CHFR: variants seen among roughly 807,000 people sequenced by gnomAD.
CHFR encodes E3 ubiquitin-protein ligase CHFR.
Under a neutral mutation model 87.6 loss-of-function variants are expected in CHFR, and 57 were observed. The observed-to-expected ratio is 0.65, with a 90% CI of 0.53 to 0.81. The LOEUF is 0.81. Ranked by LOEUF, CHFR falls within the 30% of genes least tolerant of loss-of-function variation. The pLI is 0.00. For missense variants in CHFR, 797 were observed against 865.8 expected, an observed-to-expected ratio of 0.92 and a Z score of 1.00; for synonymous variants, 381 against 359.2, an observed-to-expected ratio of 1.06 and a Z score of -0.69.
chr12:132,858,521 T>TC (rs368007757), intron 8 of CHFR, among the ~76,000 whole-genome samples: 53 of 151,730 alleles, frequency 3.5e-4, no homozygotes, highest in African/African-American at 1.3e-3. Flanking sequence ...AGTCAGGAGT[T>TC]CAAGACTAGC....
At chr12:132,870,336 A>G (rs1178943100) in intron 5 of CHFR, among the ~76,000 whole-genome samples, 2 of 137,100 alleles carry the variant, frequency 1.5e-5, no homozygotes, top group Non-Finnish European at 3.1e-5. Context: ...TGGGCGACAA[A>G]GCGCGACTCC....
At chr12:132,886,406 A>T (rs1357259897) in intron 2 of CHFR, among the ~76,000 whole-genome samples, 1 of 152,202 alleles carries the variant, frequency 6.6e-6, no homozygotes. Context: ...TCCAAACAGC[A>T]AATATTTCCC....
chr12:132,869,275 T>A (rs1021417384), intron 6 of CHFR, among the ~76,000 whole-genome samples: 2 of 152,026 alleles, frequency 1.3e-5, no homozygotes, highest in Non-Finnish European at 2.9e-5. Flanking sequence ...TCACTGCTGG[T>A]GGGCACCGGT....
At chr12:132,880,662 AAAG>A (rs1183285875) in intron 2 of CHFR, among the ~76,000 whole-genome samples, 25 of 142,826 alleles carry the variant, frequency 1.8e-4, no homozygotes, top group East Asian at 1.5e-3. Context: ...CGACTCAAAA[AAAG>A]AAAAAAAAAG....
At chr12:132,881,123 C>T (rs1951759245) in intron 2 of CHFR, among the ~76,000 whole-genome samples, 1 of 151,926 alleles carries the variant, frequency 6.6e-6, no homozygotes, top group African/African-American at 2.4e-5. Flanking sequence ...AAAAAATTAG[C>T]CGGGCATGGT....
At chr12:132,864,093 A>G (rs1426209039) in intron 6 of CHFR, among the ~76,000 whole-genome samples, 2 of 151,984 alleles carry the variant, frequency 1.3e-5, no homozygotes, top group East Asian at 1.9e-4. Context: ...TGAATAACCT[A>G]TATCTTAATA....
At chr12:132,878,749 G>A (rs1261314505) in intron 2 of CHFR, among the ~76,000 whole-genome samples, 1 of 148,820 alleles carries the variant, frequency 6.7e-6, no homozygotes, top group East Asian at 2.0e-4. Flanking sequence ...GAACCCGGGA[G>A]GAGGAGCTTG....
intron 6 of CHFR, among the ~76,000 whole-genome samples, chr12:132,863,365 G>A (rs987604495): frequency 6.6e-6 from 1 of 151,998 alleles, no homozygotes; most frequent in African/African-American, 2.4e-5. Context: ...AAATTGGCCG[G>A]GTGTGGTGGC....
At chr12:132,853,257 C>T (rs1448870051) in intron 11 of CHFR, among the ~76,000 whole-genome samples, 174 bp downstream of exon 11, 4 of 152,238 alleles carry the variant, frequency 2.6e-5, no homozygotes, top group Non-Finnish European at 1.5e-5. Flanking sequence ...AACCCAAAAT[C>T]AGTCACGAAA....
intron 10 of CHFR, among the ~76,000 whole-genome samples, chr12:132,856,142 G>C (rs1457697284): frequency 5.9e-5 from 9 of 152,232 alleles, no homozygotes; most frequent in Admixed American, 5.9e-4. Flanking sequence ...CACAGCCAGA[G>C]ATGCCACACC....
rs1593452659 is a variant in CHFR at position 132,848,505 on chromosome 12, T to C, written c.1576+136A>G. ...CACACCTCTGCAGTCCAGCCAGGAA[T>C]AGGTATCATTTGATGACCAACAGTG... On this transcript the variant is annotated intron_variant, in intron 13 of 17. Transcript: ENST00000450056. 1.5e-5 allele frequency: 11 copies of C among 721,010 alleles called. No individual in the cohort carries two copies. In the East Asian group the frequency reaches 1.6e-4, roughly 11 times the overall value. 44.7% of individuals were successfully genotyped at this position (721,010 alleles called of 1,614,324 possible).
chr12:132,858,945 TA>T, intron 8 of CHFR, 122 bp downstream of exon 8: 1 of 923,198 alleles, frequency 1.1e-6, no homozygotes, highest in Non-Finnish European at 1.6e-6. Flanking sequence ...GGTGACAGAG[TA>T]ACCTCAGCAG....
chr12:132,866,593 A>C (rs1278808118), intron 6 of CHFR: 3 of 83,580 alleles, frequency 3.6e-5, no homozygotes, highest in Non-Finnish European at 8.9e-5. Context: ...AACACACCAG[A>C]AAGTTACAAC....
At chr12:132,848,478 G>T in intron 13 of CHFR, 163 bp downstream of exon 13, 1 of 694,166 alleles carries the variant, frequency 1.4e-6, no homozygotes, top group Non-Finnish European at 2.5e-6. Flanking sequence ...ACACGAATTT[G>T]ACACACCTCT....
rs1188318333 is a variant in CHFR at position 132,837,091 on chromosome 12, T to G, written c.*4463A>C. ...TACCTGAGGGGCTGTTTGTGAGAATTAGCTGGTTCGGTGGAGAAGCAGAGG... is the reference window on the plus strand; with the variant it reads ...TACCTGAGGGGCTGTTTGTGAGAATGAGCTGGTTCGGTGGAGAAGCAGAGG... On this transcript the variant is annotated 3_prime_UTR_variant, in exon 18 of 18. Coordinates refer to ENST00000450056, the MANE Select transcript of CHFR (RefSeq NM_001161346.2). 6 of 320,382 alleles carry G rather than the reference T, an allele frequency of 1.9e-5. No individual in the cohort carries two copies. The Admixed American group carries it at 2.7e-4, about 15-fold the overall frequency. 19.8% of individuals were successfully genotyped at this position (320,382 alleles called of 1,614,324 possible). A position where few individuals can be genotyped will look rare whatever the true frequency, so the allele number is the denominator to read the frequency against.
intron 11 of CHFR, among the ~76,000 whole-genome samples, chr12:132,852,147 A>ATT (rs373669694): frequency 7.0e-6 from 1 of 143,518 alleles, no homozygotes; most frequent in African/African-American, 2.5e-5. Flanking sequence ...CGCCTGGCTA[A>ATT]TTTTTTTTTT....
chr12:132,881,551 C>T (rs889462757), intron 2 of CHFR, among the ~76,000 whole-genome samples: 1 of 152,114 alleles, frequency 6.6e-6, no homozygotes, highest in Non-Finnish European at 1.5e-5. Flanking sequence ...TACCACTACA[C>T]ACCAAATAAG....
chr12:132,860,132 G>A (rs1195065075), intron 7 of CHFR, among the ~76,000 whole-genome samples: 1 of 152,114 alleles, frequency 6.6e-6, no homozygotes, highest in Non-Finnish European at 1.5e-5. Flanking sequence ...TTCCCTCCTC[G>A]GAGGAAAACT....
intron 2 of CHFR, among the ~76,000 whole-genome samples, chr12:132,881,643 G>A (rs996394597): frequency 4.6e-5 from 7 of 152,086 alleles, no homozygotes; most frequent in East Asian, 1.9e-4. Context: ...CGAGGCGGGC[G>A]GATCACATGG....
Sources: allele counts gnomAD v4.1 joint callset (sites outside exome capture counted in the v4.1 genomes callset), GRCh38; gene constraint gnomAD v4.1.1; transcripts MANE v1.5; gene names NCBI Gene and HGNC (gene_info 2026-07-23, HGNC 2026-07-21).